HACE1: variants seen among roughly 807,000 people sequenced by gnomAD.
HACE1 encodes HECT domain and ankyrin repeat containing E3 ubiquitin protein ligase 1.
HACE1 carries 73 observed loss-of-function variants against 118.4 expected under a neutral mutation model. The observed-to-expected ratio is 0.62, with a 90% CI of 0.51 to 0.75. The LOEUF (loss-of-function observed/expected upper bound fraction) is 0.75, where lower values mean the gene tolerates loss of function less well. Among genes scored for constraint, HACE1 ranks in the 30% least tolerant of loss-of-function variants. The pLI is 0.00. For synonymous variants in HACE1, 368 were observed against 374.8 expected (o/e 0.98, Z 0.21); for missense variants, 749 against 1,102.2 (o/e 0.68, Z 4.54).
Position 104,729,477 on chromosome 6 carries a change from A to G in HACE1, c.*185T>C, listed in dbSNP as rs528219289. ...CTGTGATTTTATATTTTCTAATTGTATCACAAACAGAGAAAACATAAAAGG... is the reference window on the plus strand; with the variant it reads ...CTGTGATTTTATATTTTCTAATTGTGTCACAAACAGAGAAAACATAAAAGG... On this transcript the variant is annotated 3_prime_UTR_variant, in exon 24 of 24. Transcript: ENST00000262903. 9.9e-5 allele frequency: 60 copies of G among 608,766 alleles called. No individual in the cohort carries two copies. In the Admixed American group the frequency reaches 1.7e-3, roughly 17 times the overall value. 37.7% of individuals were successfully genotyped at this position (608,766 alleles called of 1,614,324 possible).
chr6:104,815,510 C>T (rs1367502588), intron 6 of HACE1, among the ~76,000 whole-genome samples: 4 of 136,158 alleles, frequency 2.9e-5, no homozygotes, highest in Admixed American at 1.4e-4. Context: ...TATAGGCGTG[C>T]GCCACCACAC....
intron 6 of HACE1, among the ~76,000 whole-genome samples, chr6:104,831,660 G>C (rs1208579429): frequency 6.6e-6 from 1 of 151,828 alleles, no homozygotes; most frequent in African/African-American, 2.4e-5. Context: ...TTAGGAGGCC[G>C]AGGCAGGCGG....
At chr6:104,737,752 G>C (rs1394533466) in intron 22 of HACE1, among the ~76,000 whole-genome samples, 1 of 152,236 alleles carries the variant, frequency 6.6e-6, no homozygotes. Flanking sequence ...GGCTGGGGGA[G>C]GGGCGCCCGC....
In HACE1 at chr6:104,858,091, T is replaced by C. The variant is rs184084476; in HGVS notation, c.76+1476A>G. Among the ~76,000 whole-genome samples the C allele has an allele frequency of 2.6e-4, 40 of 152,236 alleles. No individual in the cohort carries two copies. The East Asian group carries it at 5.2e-3, about 20-fold the overall frequency. On this transcript the variant is annotated intron_variant, in intron 1 of 23. Transcript: ENST00000262903. ...TATAACTGGATGGTGAAATGACATATTTTTTTCTATTTTTCTTTATTTTCC... is the reference window on the plus strand; with the variant it reads ...TATAACTGGATGGTGAAATGACATACTTTTTTCTATTTTTCTTTATTTTCC...
At chr6:104,784,202 A>C in intron 13 of HACE1, 29 bp from the exon 14 acceptor site, 1 of 1,273,468 alleles carries the variant, frequency 7.9e-7, no homozygotes, top group Non-Finnish European at 1.2e-6. Context: ...GTTTAAATGG[A>C]CAGGAAGAAT....
chr6:104,796,751 TC>T lies in HACE1; in HGVS notation c.719del (p.Gly240AspfsTer9). The T allele has an allele frequency of 6.5e-7, 1 of 1,549,684 alleles. No homozygotes were observed. Among genetic ancestry groups the T allele is most frequent in the Non-Finnish European group, 8.9e-7 (1 of 1,122,246 alleles). On this transcript the variant is annotated frameshift_variant, in exon 9 of 24. Coordinates refer to ENST00000262903, the MANE Select transcript of HACE1 (RefSeq NM_020771.4). LOFTEE classifies it high-confidence loss of function. ...VTPLDLCVQG[G>X]YGETCEVLIQ... ...TTAATACTTCACAAGTCTCTCCATA[TC>T]CACCCTAAAAACAAGATCTAAAATT...
intron 16 of HACE1, 79 bp downstream of exon 16, chr6:104,776,932 TAA>T: frequency 7.7e-7 from 1 of 1,291,478 alleles, no homozygotes; most frequent in Non-Finnish European, 1.1e-6. Context: ...CTTTATCAAC[TAA>T]ATATTAAACT....
intron 1 of HACE1, 142 bp downstream of exon 1, chr6:104,859,425 C>G (rs1004299489): frequency 3.0e-6 from 2 of 677,920 alleles, no homozygotes; most frequent in Non-Finnish European, 4.7e-6. Context: ...GGCCCGGGGC[C>G]GCCTCTCAGC....
In HACE1 at chr6:104,770,033, A is replaced by G. The variant is rs534770536; in HGVS notation, c.2211+1160T>C. Among the ~76,000 whole-genome samples the G allele has an allele frequency of 3.9e-5, 6 of 152,308 alleles. No homozygotes were observed. The South Asian group carries it at 1.2e-3, about 32-fold the overall frequency. ...CTAATAACAATTCTGTATGGGAGGT[A>G]TTATTATTCCAATTCTACAGAAAAC... On this transcript the variant is annotated intron_variant, in intron 19 of 23. Transcript: ENST00000262903.
At chr6:104,742,384 A>G (rs1162869795) in intron 22 of HACE1, among the ~76,000 whole-genome samples, 4 of 147,642 alleles carry the variant, frequency 2.7e-5, no homozygotes, top group African/African-American at 1.0e-4. Context: ...AACCTACAAA[A>G]TGGGAGAAAA....
Position 104,776,763 on chromosome 6 carries a change from T to C in HACE1, c.1842A>G (p.Ala614=), listed in dbSNP as rs780973191. Reference sequence around the variant, plus strand: ...TACCATCAGCTGACTGGGTAAACAATGCATAATCAGGATTGACTATCTCAT... The same window carrying C: ...TACCATCAGCTGACTGGGTAAACAACGCATAATCAGGATTGACTATCTCAT... ...LSNEIVNPDY[A]LFTQSADGTT... is the part of the protein sequence containing the mutation. Residue 614 remains alanine (A), a synonymous_variant, in exon 17 of 24, where the codon GCA becomes GCG. Transcript: ENST00000262903. The C allele has an allele frequency of 1.2e-6, 2 of 1,604,156 alleles. No homozygotes were observed. Among genetic ancestry groups the C allele is most frequent in the Admixed American group, 3.3e-5 (2 of 59,998 alleles).
intron 1 of HACE1, chr6:104,858,628 C>T (rs1451341285): frequency 4.8e-6 from 1 of 206,938 alleles, no homozygotes; most frequent in East Asian, 1.8e-4. Flanking sequence ...TCCTACAAAC[C>T]ACCCAGCAGC....
At position 104,729,718 on chromosome 6, in the gene HACE1, T is replaced by C; in HGVS notation, c.2674A>G (p.Lys892Glu). The C allele has an allele frequency of 6.3e-7, 1 of 1,585,256 alleles. No individual in the cohort carries two copies. Among genetic ancestry groups the C allele is most frequent in the Non-Finnish European group, 8.7e-7 (1 of 1,154,012 alleles). Residue 892 changes from lysine (K) to glutamate (E), a missense_variant, in exon 24 of 24, where the codon AAG (lysine) becomes GAG (glutamate). Physicochemically the swap from Lys to Glu is moderately conservative, Grantham distance 56. This residue lies in a region of HACE1 where 165 missense variants were observed against 229.9 expected (regional missense o/e 0.72). Coordinates refer to ENST00000262903, the MANE Select transcript of HACE1 (RefSeq NM_020771.4). ...TGTAGTGCCACAAGAAGTCTGTCCT[T>C]GAGTATTTCTTTACTTGGGTATTCA... ...LPEYPSKEILKDRLLVALHCG... is the reference protein window; with the variant it reads ...LPEYPSKEILEDRLLVALHCG...
At chr6:104,734,029 G>C (rs941108104) in intron 22 of HACE1, among the ~76,000 whole-genome samples, 8 of 149,906 alleles carry the variant, frequency 5.3e-5, no homozygotes, top group African/African-American at 2.0e-4. Flanking sequence ...GTAAGCGCCT[G>C]TAATCCCAGC....
intron 19 of HACE1, among the ~76,000 whole-genome samples, chr6:104,761,100 T>C (rs1429070516): frequency 6.6e-6 from 1 of 152,046 alleles, no homozygotes; most frequent in Non-Finnish European, 1.5e-5. Flanking sequence ...GAAGAAGCAA[T>C]ATCATAAAAA....
intron 19 of HACE1, among the ~76,000 whole-genome samples, chr6:104,751,159 A>G (rs945809047): frequency 1.2e-4 from 18 of 152,166 alleles, no homozygotes; most frequent in Non-Finnish European, 2.2e-4. Flanking sequence ...CCGGGCCCCA[A>G]TGTGTTTATA....
In HACE1 at chr6:104,763,627, G is replaced by GA. The variant is rs564157006; in HGVS notation, c.2211+7565dup. 4.6e-3 allele frequency among the ~76,000 whole-genome samples: 701 copies of GA among 151,930 alleles called. 3 individuals are homozygous for GA. The highest frequency in any genetic ancestry group is 0.016 in the African/African-American group (659 of 41,448). ...AAAAGGGGCATACCATTAATACAGT[G>GA]AAAAAAATCACATGTTCAGGGTAGC... On this transcript the variant is annotated intron_variant, in intron 19 of 23. Transcript: ENST00000262903.
intron 4 of HACE1, among the ~76,000 whole-genome samples, chr6:104,845,522 G>C (rs893553910): frequency 1.4e-5 from 2 of 140,948 alleles, no homozygotes; most frequent in East Asian, 2.2e-4. Flanking sequence ...CTGTCGCCCA[G>C]GCTGGAGTAC....
intron 5 of HACE1, among the ~76,000 whole-genome samples, 157 bp downstream of exon 5, chr6:104,843,066 A>T (rs1008818629): frequency 6.6e-6 from 1 of 152,214 alleles, no homozygotes; most frequent in Non-Finnish European, 1.5e-5. Context: ...AGCACAGATT[A>T]GACCACCTCA....
Sources: allele counts gnomAD v4.1 joint callset (sites outside exome capture counted in the v4.1 genomes callset), GRCh38; gene constraint gnomAD v4.1.1; regional missense constraint gnomAD v4.1.1; transcripts MANE v1.5; gene names NCBI Gene and HGNC (gene_info 2026-07-23, HGNC 2026-07-21).